Variants in NECTIN1 observed in about 807,000 individuals in gnomAD.
The protein encoded by NECTIN1 is nectin-1.
In NECTIN1, 23 loss-of-function variants were observed where a neutral mutation model predicts 48.0. The observed-to-expected ratio is 0.48, with a 90% CI of 0.34 to 0.68. NECTIN1 has a LOEUF of 0.68. NECTIN1 is among the 30% of genes least tolerant of loss of function. The probability of loss-of-function intolerance (pLI) is 0.01; values close to 1 mark genes in which losing one functional copy is unlikely to be tolerated. For missense variants in NECTIN1, 591 were observed against 709.9 expected (o/e 0.83, Z 1.90); for synonymous variants, 270 against 288.9 (o/e 0.93, Z 0.66).
In NECTIN1 at chr11:119,678,723, C is replaced by G; in HGVS notation, c.122G>C (p.Gly41Ala). ...QVVQVNDSMYGFIGTDVVLHC... is the reference protein window; with the variant it reads ...QVVQVNDSMYAFIGTDVVLHC... ...CAGAACCACGTCTGTGCCGATGAAG[C>G]CATACATGGAGTCGTTCACCTGGAC... The change falls in exon 2 of 6, where the codon GGC becomes GCC. Residue 41 changes from glycine to alanine, a missense_variant. Gly to Ala is a moderately conservative substitution (Grantham distance 60). Transcript: ENST00000264025. This position sits in a 1 kb window ranked among gnomAD's most constrained non-coding sequence, Gnocchi z 4.4. 1.9e-6 allele frequency: 3 copies of G among 1,613,566 alleles called. No homozygotes were observed. Among genetic ancestry groups the G allele is most frequent in the Non-Finnish European group, 2.5e-6 (3 of 1,179,876 alleles).
rs201548571 is a variant in NECTIN1, at chr11:119,677,224, G to C, written c.734-5C>G. The C allele has an allele frequency of 3.1e-6, 5 of 1,612,214 alleles. No homozygotes were observed. Among genetic ancestry groups the C allele is most frequent in the Non-Finnish European group, 3.4e-6 (4 of 1,178,298 alleles). On this transcript the variant is annotated splice_region_variant and splice_polypyrimidine_tract_variant and intron_variant, in intron 3 of 5. Coordinates refer to ENST00000264025, the MANE Select transcript of NECTIN1 (RefSeq NM_002855.5). The surrounding 1 kb of genome is among the most constrained non-coding windows in gnomAD (Gnocchi z 5.4). ...CAATGGTTACCTCAGGCTCATCTGT[G>C]GGGCAAGGGATGTTTGAAGAGGGTG...
Position 119,695,065 on chromosome 11 carries a change from T to C in NECTIN1, c.80-16300A>G, listed in dbSNP as rs1166276566. 2.6e-5 allele frequency among the ~76,000 whole-genome samples: 4 copies of C among 152,266 alleles called. No individual in the cohort carries two copies. In the East Asian group the frequency reaches 7.7e-4, roughly 29 times the overall value. ...TATCACACCTTTACTGAGCACCCAC[T>C]GTCTAATGGGTATTACGTTAGGTAA... is the stretch of plus-strand genomic sequence containing the variant. On this transcript the variant is annotated intron_variant, in intron 1 of 5. Transcript: ENST00000264025.
Position 119,729,195 on chromosome 11 carries a change from C to T in NECTIN1, c.-642G>A, listed in dbSNP as rs1182681883. The T allele has an allele frequency of 6.6e-6, 1 of 152,192 alleles. No individual in the cohort carries two copies. Among genetic ancestry groups the T allele is most frequent in the Non-Finnish European group, 1.5e-5 (1 of 68,058 alleles). 9.4% of individuals were successfully genotyped at this position (152,192 alleles called of 1,614,324 possible). A position where few individuals can be genotyped will look rare whatever the true frequency, so the allele number is the denominator to read the frequency against. On this transcript the variant is annotated 5_prime_UTR_variant, in exon 1 of 6. Coordinates refer to ENST00000264025, the MANE Select transcript of NECTIN1 (RefSeq NM_002855.5). ...TGGAGCCGCGCTCGCTGCTCTCGCT[C>T]TCTTTCTCTCACTCGCCGAGCTCCA...
chr11:119,648,010 G>A (rs1043197060), intron 5 of NECTIN1, among the ~76,000 whole-genome samples: 1 of 133,564 alleles, frequency 7.5e-6, no homozygotes, highest in African/African-American at 2.8e-5. Flanking sequence ...GCTGCAGTGA[G>A]CTGAGATCGT....
downstream of NECTIN1, among the ~76,000 whole-genome samples, chr11:119,660,595 A>T (rs572926564): frequency 6.6e-6 from 1 of 152,256 alleles, no homozygotes; most frequent in African/African-American, 2.4e-5. Flanking sequence ...ACAGGACAGC[A>T]GGAGTGGGTG....
intron 5 of NECTIN1, among the ~76,000 whole-genome samples, chr11:119,651,314 G>T (rs928049559): frequency 4.0e-4 from 61 of 152,278 alleles, no homozygotes; most frequent in African/African-American, 1.4e-3. Flanking sequence ...TGTGTCTTCA[G>T]AAAGAGTATC....
At chr11:119,704,643 G>A (rs922522561) in intron 1 of NECTIN1, among the ~76,000 whole-genome samples, 3 of 152,164 alleles carry the variant, frequency 2.0e-5, no homozygotes, top group African/African-American at 4.8e-5. Flanking sequence ...AGCTTCTACC[G>A]CCCCATCTGT....
At chr11:119,638,711 C>T in intron 7 of NECTIN1, 1 of 1,609,142 alleles carries the variant, frequency 6.2e-7, no homozygotes, top group Non-Finnish European at 8.5e-7. Flanking sequence ...GGACCTTGTC[C>T]TCTGCTGCCT....
At chr11:119,639,927 C>G (rs1199407871) in exon 6 of NECTIN1, 1 of 1,614,192 alleles carries the variant, frequency 6.2e-7, no homozygotes, top group East Asian at 2.2e-5. Flanking sequence ...AGACAGTGAG[C>G]ACAGCAACTA....
intron 5 of NECTIN1, chr11:119,654,341 T>C (rs538935408): frequency 6.6e-6 from 1 of 152,190 alleles, no homozygotes; most frequent in East Asian, 1.9e-4. Flanking sequence ...ACCACCAGGA[T>C]TGAGCCCCTC....
Position 119,697,710 on chromosome 11 carries a change from C to A in NECTIN1, c.80-18945G>T, listed in dbSNP as rs1248732205. On this transcript the variant is annotated intron_variant, in intron 1 of 5. Transcript: ENST00000264025. ...TAGCTAAAGGGTGGTGGATCCAGAA[C>A]CCGAACCTGAGTCTTCTGGTTGTGG... Among the ~76,000 whole-genome samples, 3 of 152,312 alleles carry A rather than the reference C, an allele frequency of 2.0e-5. No individual in the cohort carries two copies. The South Asian group carries it at 6.2e-4, about 32-fold the overall frequency.
intron 5 of NECTIN1, among the ~76,000 whole-genome samples, chr11:119,643,482 G>C (rs1864354252): frequency 6.6e-6 from 1 of 152,210 alleles, no homozygotes; most frequent in African/African-American, 2.4e-5. Flanking sequence ...CCTGTGTGCT[G>C]TTCTCCCTGC....
At position 119,684,222 on chromosome 11, in the gene NECTIN1, G is replaced by A. The variant is rs1232450317; in HGVS notation, c.80-5457C>T. Among the ~76,000 whole-genome samples the A allele has an allele frequency of 1.3e-5, 2 of 152,236 alleles. No homozygotes were observed. The highest frequency in any genetic ancestry group is 4.8e-5 in the African/African-American group (2 of 41,460). ...GTGAAAGTGGGTACCTAGGTGAGGC[G>A]AGGGGGATTTGGGGCTTCCTGGCAT... is the stretch of plus-strand genomic sequence containing the variant. On this transcript the variant is annotated intron_variant, in intron 1 of 5. Coordinates refer to ENST00000264025, the MANE Select transcript of NECTIN1 (RefSeq NM_002855.5). This position sits in a 1 kb window ranked among gnomAD's most constrained non-coding sequence, Gnocchi z 5.2.
In NECTIN1 at chr11:119,677,947, G is replaced by T. The variant is rs2135551934; in HGVS notation, c.431-90C>A. The stretch of plus-strand genomic sequence containing the variant: ...AAGGGCGTGGCATCCGTCAGGCCTT[G>T]TCTTCAGGTCCCCTTGGCCATCCCT... On this transcript the variant is annotated intron_variant, in intron 2 of 5. Transcript: ENST00000264025. The surrounding 1 kb of genome is among the most constrained non-coding windows in gnomAD (Gnocchi z 5.4). 7.6e-7 allele frequency: 1 copy of T among 1,320,662 alleles called. No individual in the cohort carries two copies. The highest frequency in any genetic ancestry group is 2.4e-5 in the East Asian group (1 of 42,004). 81.8% of individuals were successfully genotyped at this position (1,320,662 alleles called of 1,614,324 possible). A position where few individuals can be genotyped will look rare whatever the true frequency, so the allele number is the denominator to read the frequency against.
chr11:119,642,244 A>G (rs1268244618), intron 5 of NECTIN1: 1 of 152,140 alleles, frequency 6.6e-6, no homozygotes, highest in Admixed American at 6.5e-5. Flanking sequence ...TCCAGCCACC[A>G]CCACGCTGGA....
chr11:119,674,475 C>T (rs771426118), intron 5 of NECTIN1: 59 of 1,607,568 alleles, frequency 3.7e-5, no homozygotes, highest in Non-Finnish European at 4.9e-5. Context: ...TGACAACAGC[C>T]CTTCAAGGTA....
At chr11:119,725,359 A>C (rs1865892857) in intron 1 of NECTIN1, among the ~76,000 whole-genome samples, 2 of 152,288 alleles carry the variant, frequency 1.3e-5, no homozygotes, top group Non-Finnish European at 2.9e-5. Flanking sequence ...TACCTGTCCC[A>C]TATGCTCTGA....
rs1309326955 is a variant in NECTIN1, at chr11:119,663,857, AGGTGGAAATAGACG to A, written c.*876_*889del. Reference sequence around the variant, plus strand: ...CCATTCTCAGCTTAAAGGGGGAATGAGGTGGAAATAGACGGGTGGGCCTTGGGCAGTGTCTGGAT... The same window carrying A: ...CCATTCTCAGCTTAAAGGGGGAATGAGGTGGGCCTTGGGCAGTGTCTGGAT... On this transcript the variant is annotated 3_prime_UTR_variant, in exon 6 of 6. Coordinates refer to ENST00000264025, the MANE Select transcript of NECTIN1 (RefSeq NM_002855.5). The A allele has an allele frequency of 2.0e-6, 2 of 985,558 alleles. No individual in the cohort carries two copies. The highest frequency in any genetic ancestry group is 2.4e-6 in the Non-Finnish European group (2 of 830,142). 61.1% of individuals were successfully genotyped at this position (985,558 alleles called of 1,614,324 possible). A position where few individuals can be genotyped will look rare whatever the true frequency, so the allele number is the denominator to read the frequency against.
intron 1 of NECTIN1, among the ~76,000 whole-genome samples, chr11:119,722,620 C>T (rs1865850797): frequency 1.3e-5 from 2 of 152,238 alleles, no homozygotes; most frequent in African/African-American, 4.8e-5. Flanking sequence ...CACCTGCTGC[C>T]TAGGTAGCCC....
Sources: allele counts gnomAD v4.1 joint callset (sites outside exome capture counted in the v4.1 genomes callset), GRCh38; gene constraint gnomAD v4.1.1; non-coding constraint Gnocchi (gnomAD v3.1); transcripts MANE v1.5; gene names NCBI Gene and HGNC (gene_info 2026-07-23, HGNC 2026-07-21).